The following THSD7B variants were observed in gnomAD, a reference collection of about 807,000 sequenced individuals.
THSD7B encodes the protein thrombospondin type-1 domain-containing protein 7B.
THSD7B carries 138 observed loss-of-function variants against 213.6 expected under a neutral mutation model. The ratio of observed to expected loss-of-function variants is 0.65; its 90% confidence interval spans 0.56 to 0.74. The LOEUF is 0.74. THSD7B is among the 30% of genes least tolerant of loss of function. The pLI, the probability that THSD7B is intolerant of heterozygous loss-of-function variation, is 0.00. For synonymous variants in THSD7B, 742 were observed against 687.0 expected, an observed-to-expected ratio of 1.08 and a Z score of -1.25; for missense variants, 1,931 against 1,991.5, an observed-to-expected ratio of 0.97 and a Z score of 0.58.
intron 1 of THSD7B, among the ~76,000 whole-genome samples, chr2:136,829,805 A>G (rs1682718859): frequency 6.6e-6 from 1 of 151,964 alleles, no homozygotes; most frequent in Non-Finnish European, 1.5e-5. Context: ...TCTAGAATTT[A>G]TTTTTCTTTG....
intron 16 of THSD7B, among the ~76,000 whole-genome samples, chr2:137,564,393 G>T (rs2105225397): frequency 6.6e-6 from 1 of 152,288 alleles, no homozygotes; most frequent in East Asian, 1.9e-4. Context: ...AAATTAGAAA[G>T]TTGCTTCTCC....
At chr2:137,314,214 T>C (rs970083602) in intron 12 of THSD7B, among the ~76,000 whole-genome samples, 1 of 152,214 alleles carries the variant, frequency 6.6e-6, no homozygotes, top group African/African-American at 2.4e-5. Context: ...TTCTTTTTAT[T>C]CTTTTTTCTC....
chr2:137,032,925 G>C (rs1018004986), intron 2 of THSD7B, among the ~76,000 whole-genome samples: 1 of 152,190 alleles, frequency 6.6e-6, no homozygotes, highest in Non-Finnish European at 1.5e-5. Flanking sequence ...AAGGTTTTCA[G>C]ATTATTTTCT....
intron 1 of THSD7B, among the ~76,000 whole-genome samples, chr2:136,823,622 C>T (rs1394058547): frequency 6.6e-6 from 1 of 152,052 alleles, no homozygotes; most frequent in African/African-American, 2.4e-5. Flanking sequence ...CCCATTTGCT[C>T]TGAATTCTGC....
intron 1 of THSD7B, among the ~76,000 whole-genome samples, chr2:136,862,947 G>A (rs759174940): frequency 7.2e-5 from 11 of 152,102 alleles, no homozygotes; most frequent in Non-Finnish European, 1.0e-4. Flanking sequence ...AAGTTTTCAC[G>A]TTTCAGATCC....
At chr2:137,612,358 C>T (rs572228217) in intron 17 of THSD7B, among the ~76,000 whole-genome samples, 1 of 152,244 alleles carries the variant, frequency 6.6e-6, no homozygotes, top group African/African-American at 2.4e-5. Flanking sequence ...TGTCTTCAAG[C>T]TTGACTTCCA....
At chr2:137,622,818 G>A (rs905417304) in intron 20 of THSD7B, among the ~76,000 whole-genome samples, 4 of 152,118 alleles carry the variant, frequency 2.6e-5, no homozygotes, top group Admixed American at 6.5e-5. Context: ...AACAGGCTCT[G>A]AAATTGAGGC....
chr2:137,404,526 CAA>C (rs1491429470), intron 12 of THSD7B, among the ~76,000 whole-genome samples: 11 of 132,692 alleles, frequency 8.3e-5, no homozygotes, highest in East Asian at 6.4e-4. Flanking sequence ...TATACACACA[CAA>C]TATATATATA....
chr2:137,547,714 T>C (rs1430776253), intron 15 of THSD7B, among the ~76,000 whole-genome samples: 2 of 152,010 alleles, frequency 1.3e-5, no homozygotes, highest in East Asian at 3.9e-4. Context: ...CTAGATAGAA[T>C]AAAGGCTGTT....
At chr2:136,945,275 T>C (rs1176137442) in intron 2 of THSD7B, among the ~76,000 whole-genome samples, 1 of 152,180 alleles carries the variant, frequency 6.6e-6, no homozygotes, top group African/African-American at 2.4e-5. Flanking sequence ...AATTGGCTAT[T>C]GAAGCTTGTG....
intron 17 of THSD7B, 60 bp downstream of exon 17, chr2:137,572,616 T>C: frequency 1.3e-6 from 2 of 1,586,262 alleles, no homozygotes; most frequent in South Asian, 2.3e-5. Context: ...CTGTTGTTCG[T>C]TGTGCATTCA....
intron 1 of THSD7B, among the ~76,000 whole-genome samples, chr2:136,816,196 G>C (rs1456451278): frequency 6.6e-6 from 1 of 152,110 alleles, no homozygotes; most frequent in African/African-American, 2.4e-5. Flanking sequence ...ATCAGAATTT[G>C]GTTTGGTATT....
chr2:137,577,772 A>G (rs2105241481), intron 17 of THSD7B, among the ~76,000 whole-genome samples: 1 of 152,248 alleles, frequency 6.6e-6, no homozygotes, highest in Admixed American at 6.5e-5. Flanking sequence ...AACTACACCT[A>G]ACAACACTTT....
chr2:137,238,199 T>C (rs1681811116), intron 9 of THSD7B, among the ~76,000 whole-genome samples: 2 of 152,172 alleles, frequency 1.3e-5, no homozygotes, highest in Admixed American at 1.3e-4. Flanking sequence ...CAACTCTCTA[T>C]AGAAAGCTTG....
intron 12 of THSD7B, among the ~76,000 whole-genome samples, chr2:137,326,015 T>C (rs1669017288): frequency 6.6e-6 from 1 of 152,240 alleles, no homozygotes; most frequent in Admixed American, 6.5e-5. Context: ...TTTTCTCATA[T>C]ACCATTGACT....
At chr2:137,588,132 C>G (rs180733147) in intron 17 of THSD7B, among the ~76,000 whole-genome samples, 235 of 152,300 alleles carry the variant, frequency 1.5e-3, no homozygotes, top group African/African-American at 4.6e-3. Context: ...ACCCTCCGAG[C>G]CAGGCACGGG....
rs200763852 is a variant in THSD7B at position 137,624,978 on chromosome 2, T to A, written c.3799+4252T>A. ...GACCCAGCGATCCCATTACTGGGTATATACCCAAAGGATTATAAATCATGC... is the reference window on the plus strand; with the variant it reads ...GACCCAGCGATCCCATTACTGGGTAAATACCCAAAGGATTATAAATCATGC... On this transcript the variant is annotated intron_variant, in intron 20 of 27. Coordinates refer to ENST00000409968, the MANE Select transcript of THSD7B (RefSeq NM_001316349.2). Among the ~76,000 whole-genome samples the A allele has an allele frequency of 7.6e-4, 116 of 152,316 alleles. 3 individuals are homozygous for A. The East Asian group carries it at 0.017, about 23-fold the overall frequency.
intron 15 of THSD7B, among the ~76,000 whole-genome samples, chr2:137,476,243 C>A (rs1433386743): frequency 6.6e-6 from 1 of 152,056 alleles, no homozygotes; most frequent in Non-Finnish European, 1.5e-5. Context: ...AAATAGTTTG[C>A]AAATATTTTT....
At chr2:137,638,962 A>G (rs1420692139) in intron 20 of THSD7B, among the ~76,000 whole-genome samples, 1 of 152,162 alleles carries the variant, frequency 6.6e-6, no homozygotes, top group Non-Finnish European at 1.5e-5. Flanking sequence ...CAGAGCATAA[A>G]AGTTCAGAAA....
Sources: gnomAD v4.1 joint callset for allele counts (sites outside exome capture counted in the v4.1 genomes callset) on GRCh38, gnomAD v4.1.1 for gene constraint, MANE v1.5 for transcripts, NCBI Gene and HGNC (gene_info 2026-07-23, HGNC 2026-07-21) for gene names.